The following CTSL variants were observed in gnomAD, a reference collection of about 807,000 sequenced individuals.
The protein encoded by CTSL is cathepsin L.
In CTSL, 23 loss-of-function variants were observed where a neutral mutation model predicts 34.7. The ratio of observed to expected loss-of-function variants is 0.66; its 90% CI spans 0.48 to 0.94. The LOEUF (loss-of-function observed/expected upper bound fraction) is 0.94, where lower values mean the gene tolerates loss of function less well. Ranked by LOEUF, CTSL falls within the 40% of genes least tolerant of loss-of-function variation. The pLI is 0.00. For synonymous variants in CTSL, 129 were observed against 136.7 expected, an observed-to-expected ratio of 0.94 and a Z score of 0.39; for missense variants, 361 against 406.3, an observed-to-expected ratio of 0.89 and a Z score of 0.96.
At chr9:87,729,855 G>A (rs1826190417) in intron 6 of CTSL, 120 bp downstream of exon 6, 8 of 935,644 alleles carry the variant, frequency 8.6e-6, no homozygotes, top group South Asian at 3.8e-5. Flanking sequence ...TAGCATCATA[G>A]TTGTTCATTC....
At position 87,728,747 on chromosome 9, in the gene CTSL, T is replaced by C; in HGVS notation, c.559T>C (p.Phe187Leu). 6.2e-7 allele frequency: 1 copy of C among 1,614,200 alleles called. No individual in the cohort carries two copies. Among genetic ancestry groups the C allele is most frequent in the Non-Finnish European group, 8.5e-7 (1 of 1,180,044 alleles). ...CAATGGTGGCCTAATGGATTATGCT[T>C]TCCAGTATGTTCAGGATAATGGAGG... ...GCNGGLMDYAFQYVQDNGGLD... is the reference protein window; with the variant it reads ...GCNGGLMDYALQYVQDNGGLD... The change falls in exon 5 of 8, where the codon TTC becomes CTC. Residue 187 changes from phenylalanine (F) to leucine (L), a missense_variant. Coordinates refer to ENST00000343150, the MANE Select transcript of CTSL (RefSeq NM_001912.5).
intron 2 of CTSL, 112 bp from the exon 3 acceptor site, chr9:87,727,915 A>G: frequency 1.3e-6 from 2 of 1,519,974 alleles, no homozygotes; most frequent in Non-Finnish European, 1.8e-6. Flanking sequence ...CAGAGGTGTC[A>G]AGCCTTCCCT....
rs760566624 is a variant in CTSL at position 87,731,067 on chromosome 9, A to G, written c.962A>G (p.His321Arg). 2.5e-6 allele frequency: 4 copies of G among 1,613,802 alleles called. No homozygotes were observed. The highest frequency in any genetic ancestry group is 8.5e-7 in the Non-Finnish European group (1 of 1,179,804). The change falls in exon 8 of 8, where the codon CAT becomes CGT. Residue 321 changes from histidine (H) to arginine (R), a missense_variant. Physicochemically the swap from His to Arg is conservative, Grantham distance 29. Transcript: ENST00000343150. ...YVKMAKDRRNHCGIASAASYP... is the reference protein window; with the variant it reads ...YVKMAKDRRNRCGIASAASYP... Reference sequence around the variant, plus strand: ...AAGATGGCCAAAGACCGGAGAAACCATTGTGGAATTGCCTCAGCAGCCAGC... The same window carrying G: ...AAGATGGCCAAAGACCGGAGAAACCGTTGTGGAATTGCCTCAGCAGCCAGC...
In CTSL at chr9:87,726,386, C is replaced by T. The variant is rs1825992291; in HGVS notation, c.-23C>T. 1 of 152,374 alleles carries T rather than the reference C, an allele frequency of 6.6e-6. No individual in the cohort carries two copies. Among genetic ancestry groups the T allele is most frequent in the South Asian group, 2.1e-4 (1 of 4,830 alleles). 9.4% of individuals were successfully genotyped at this position (152,374 alleles called of 1,614,324 possible). On this transcript the variant is annotated 5_prime_UTR_variant, in exon 1 of 8. Transcript: ENST00000343150. Reference sequence around the variant, plus strand: ...TGAGCGGGCAGGCCAGCCTCCGAGCCGGGTGGACACAGGTACCGCAGCCAG... The same window carrying T: ...TGAGCGGGCAGGCCAGCCTCCGAGCTGGGTGGACACAGGTACCGCAGCCAG...
chr9:87,731,155 A>G lies in CTSL; in HGVS notation c.*48A>G, dbSNP rs764047572. 26 of 1,428,482 alleles carry G rather than the reference A, an allele frequency of 1.8e-5. No homozygotes were observed. The South Asian group carries it at 2.6e-4, about 14-fold the overall frequency. 88.5% of individuals were successfully genotyped at this position (1,428,482 alleles called of 1,614,324 possible). A position where few individuals can be genotyped will look rare whatever the true frequency, so the allele number is the denominator to read the frequency against. ...GGACTTGACTGGGGATGGCGCATGC[A>G]TGGGAGGAATTCATCTTCAGTCTAC... On this transcript the variant is annotated 3_prime_UTR_variant, in exon 8 of 8. Transcript: ENST00000343150.
chr9:87,728,765 A>G lies in CTSL; in HGVS notation c.577A>G (p.Asn193Asp). 2 of 1,614,196 alleles carry G rather than the reference A, an allele frequency of 1.2e-6. No individual in the cohort carries two copies. Among genetic ancestry groups the G allele is most frequent in the Non-Finnish European group, 1.7e-6 (2 of 1,180,032 alleles). ...TTATGCTTTCCAGTATGTTCAGGAT[A>G]ATGGAGGCCTGGACTCTGAGGAATC... ...MDYAFQYVQDNGGLDSEESYP... is the reference protein window; with the variant it reads ...MDYAFQYVQDDGGLDSEESYP... The change falls in exon 5 of 8, where the codon AAT becomes GAT. Residue 193 changes from asparagine to aspartate, a missense_variant. Physicochemically the swap from Asn to Asp is conservative, Grantham distance 23. Transcript: ENST00000343150.
chr9:87,728,853 G>A (rs1464292311), intron 5 of CTSL, 44 bp downstream of exon 5: 1 of 1,613,748 alleles, frequency 6.2e-7, no homozygotes, highest in Non-Finnish European at 8.5e-7. Context: ...GCTTTTGGAA[G>A]GTGGACACTT....
intron 7 of CTSL, 93 bp from the exon 8 acceptor site, chr9:87,730,915 G>T (rs1055630848): frequency 2.1e-6 from 2 of 961,250 alleles, no homozygotes; most frequent in African/African-American, 1.6e-5. Context: ...TTAAGTCTAT[G>T]GCCTCTGGCA....
intron 1 of CTSL, 90 bp from the exon 2 acceptor site, chr9:87,727,504 T>C: frequency 7.9e-7 from 1 of 1,263,466 alleles, no homozygotes. Flanking sequence ...ATATTTTTAT[T>C]CTACCATGGT....
At chr9:87,729,003 A>G (rs1826151361) in intron 5 of CTSL, 194 bp downstream of exon 5, 1 of 1,387,444 alleles carries the variant, frequency 7.2e-7, no homozygotes, top group Non-Finnish European at 9.5e-7. Flanking sequence ...CTGGGCAACA[A>G]GGTGAAACCT....
In CTSL at chr9:87,727,620, T is replaced by A; in HGVS notation, c.17T>A (p.Ile6Asn). Residue 6 changes from isoleucine (I) to asparagine (N), a missense_variant, in exon 2 of 8, where the codon ATC becomes AAC. Physicochemically the swap from Ile to Asn is moderately radical, Grantham distance 149 (BLOSUM62 -3). Coordinates refer to ENST00000343150, the MANE Select transcript of CTSL (RefSeq NM_001912.5). ...TTTTAAAACATGAATCCTACACTCA[T>A]CCTTGCTGCCTTTTGCCTGGGAATT... MNPTL[I>N]LAAFCLGIAS... 1 of 1,614,156 alleles carries A rather than the reference T, an allele frequency of 6.2e-7. No individual in the cohort carries two copies. The highest frequency in any genetic ancestry group is 8.5e-7 in the Non-Finnish European group (1 of 1,180,028).
In CTSL at chr9:87,726,150, T is replaced by C. The variant is rs1825979940; in HGVS notation, c.-259T>C. 1 of 152,316 alleles carries C rather than the reference T, an allele frequency of 6.6e-6. No individual in the cohort carries two copies. The highest frequency in any genetic ancestry group is 2.4e-5 in the African/African-American group (1 of 41,442). 9.4% of individuals were successfully genotyped at this position (152,316 alleles called of 1,614,324 possible). The stretch of plus-strand genomic sequence containing the variant: ...GCGACCTCCGCAACCTTGAGCGGCA[T>C]CCGTGGAGTGCGCCTGCGCAGCTAC... On this transcript the variant is annotated 5_prime_UTR_variant, in exon 1 of 8. Coordinates refer to ENST00000343150, the MANE Select transcript of CTSL (RefSeq NM_001912.5).
rs1345294504 is a variant in CTSL, at chr9:87,728,052, T to A, written c.152T>A (p.Val51Glu). The change falls in exon 3 of 8, where the codon GTG (valine) becomes GAG (glutamate). Residue 51 changes from valine (V) to glutamate (E), a missense_variant. By Grantham distance (121) the Val-to-Glu change is moderately radical. Coordinates refer to ENST00000343150, the MANE Select transcript of CTSL (RefSeq NM_001912.5). ...GMNEEGWRRAVWEKNMKMIEL... is the reference protein window; with the variant it reads ...GMNEEGWRRAEWEKNMKMIEL... ...AATGAAGAAGGATGGAGGAGAGCAG[T>A]GTGGGAGAAGAACATGAAGATGATT... 1 of 1,613,830 alleles carries A rather than the reference T, an allele frequency of 6.2e-7. No homozygotes were observed. Among genetic ancestry groups the A allele is most frequent in the East Asian group, 2.2e-5 (1 of 44,870 alleles).
At chr9:87,729,237 A>G (rs942080788) in intron 5 of CTSL, among the ~76,000 whole-genome samples, 10 of 151,656 alleles carry the variant, frequency 6.6e-5, no homozygotes, top group Admixed American at 4.6e-4. Flanking sequence ...GTCATTATAA[A>G]TTATTAGCCT....
chr9:87,727,598 T>G lies in CTSL; in HGVS notation c.-6T>G. 1 of 1,614,092 alleles carries G rather than the reference T, an allele frequency of 6.2e-7. No individual in the cohort carries two copies. Among genetic ancestry groups the G allele is most frequent in the Non-Finnish European group, 8.5e-7 (1 of 1,180,014 alleles). On this transcript the variant is annotated 5_prime_UTR_variant, in exon 2 of 8. Coordinates refer to ENST00000343150, the MANE Select transcript of CTSL (RefSeq NM_001912.5). ...TCATTTTTGTTCCCTTCCTAGGTTT[T>G]AAAACATGAATCCTACACTCATCCT...
At chr9:87,728,223 C>G in intron 3 of CTSL, 27 bp from the exon 4 acceptor site, 1 of 1,614,050 alleles carries the variant, frequency 6.2e-7, no homozygotes, top group Non-Finnish European at 8.5e-7. Context: ...TCTTGCTTTT[C>G]AACATTTTAT....
chr9:87,728,756 G>C lies in CTSL; in HGVS notation c.568G>C (p.Val190Leu). Reference sequence around the variant, plus strand: ...CCTAATGGATTATGCTTTCCAGTATGTTCAGGATAATGGAGGCCTGGACTC... The same window carrying C: ...CCTAATGGATTATGCTTTCCAGTATCTTCAGGATAATGGAGGCCTGGACTC... ...GGLMDYAFQY[V>L]QDNGGLDSEE... The change falls in exon 5 of 8, where the codon GTT (valine) becomes CTT (leucine). Residue 190 changes from valine to leucine, a missense_variant. By Grantham distance (32) the Val-to-Leu change is conservative. Coordinates refer to ENST00000343150, the MANE Select transcript of CTSL (RefSeq NM_001912.5). The C allele has an allele frequency of 6.2e-7, 1 of 1,614,208 alleles. No homozygotes were observed. Among genetic ancestry groups the C allele is most frequent in the Non-Finnish European group, 8.5e-7 (1 of 1,180,050 alleles).
At position 87,727,865 on chromosome 9, in the gene CTSL, A is replaced by G. The variant is rs1043678810; in HGVS notation, c.126+136A>G. ...CGTGGATTATGAGCACAATGTGGAC[A>G]TTCATCCTTGTTGTGTCTCAGTTTG... On this transcript the variant is annotated intron_variant, in intron 2 of 7. Coordinates refer to ENST00000343150, the MANE Select transcript of CTSL (RefSeq NM_001912.5). 5 of 1,402,128 alleles carry G rather than the reference A, an allele frequency of 3.6e-6. No individual in the cohort carries two copies. In the African/African-American group the frequency reaches 7.1e-5, roughly 20 times the overall value. The allele number at this position is 1,402,128 out of a possible 1,614,324, so 86.9% of individuals were successfully genotyped here. A position where few individuals can be genotyped will look rare whatever the true frequency, so the allele number is the denominator to read the frequency against.
intron 1 of CTSL, among the ~76,000 whole-genome samples, chr9:87,726,759 T>C (rs981945262): frequency 7.9e-5 from 12 of 151,872 alleles, no homozygotes; most frequent in African/African-American, 2.9e-4. Context: ...TAAGGAGAGG[T>C]TGGGGCGGCG....
Sources: gnomAD v4.1 joint callset for allele counts (sites outside exome capture counted in the v4.1 genomes callset) on GRCh38, gnomAD v4.1.1 for gene constraint, MANE v1.5 for transcripts, NCBI Gene and HGNC (gene_info 2026-07-23, HGNC 2026-07-21) for gene names.